Variants in RASA3 observed in about 807,000 individuals in gnomAD.
RASA3 encodes RAS p21 protein activator 3.
RASA3 carries 73 observed loss-of-function variants against 110.0 expected under a neutral mutation model. The observed-to-expected ratio is 0.66, with a 90% CI of 0.55 to 0.81. The LOEUF is 0.81. Ranked by LOEUF, RASA3 falls within the 30% of genes least tolerant of loss-of-function variation. The pLI, the probability that RASA3 is intolerant of heterozygous loss-of-function variation, is 0.00. For missense variants in RASA3, 976 were observed against 1,113.2 expected (o/e 0.88, Z 1.75); for synonymous variants, 500 against 451.4 (o/e 1.11, Z -1.37).
At position 114,115,461 on chromosome 13, in the gene RASA3, C is replaced by T. The variant is rs1390982274; in HGVS notation, c.55+16974G>A. Among the ~76,000 whole-genome samples the T allele has an allele frequency of 2.0e-5, 3 of 152,230 alleles. No individual in the cohort carries two copies. Among genetic ancestry groups the T allele is most frequent in the Non-Finnish European group, 2.9e-5 (2 of 68,040 alleles). On this transcript the variant is annotated intron_variant, in intron 1 of 23. Coordinates refer to ENST00000334062, the MANE Select transcript of RASA3 (RefSeq NM_007368.4). The surrounding 1 kb of genome is among the most constrained non-coding windows in gnomAD (Gnocchi z 5.0). ...GCCTGCGTGAAGACTGGTCACAAGA[C>T]AACTTCCCAGTTTAGAAAATGGTTA...
chr13:114,012,579 CCATTCCACACACACTCCT>C (rs1217635510), intron 15 of RASA3, among the ~76,000 whole-genome samples: 1 of 144,938 alleles, frequency 6.9e-6, no homozygotes, highest in African/African-American at 2.6e-5. Context: ...CACACACTCC[CCATTCCACACACACTCCT>C]CATTCCACGC....
chr13:114,000,815 T>G lies in RASA3; in HGVS notation c.1849+11A>C. Reference sequence around the variant, plus strand: ...CCAGCAAGAGCCAGGGAAAGCGACCTTGCTCCTTACCTTTGCTTTTGTGGT... The same window carrying G: ...CCAGCAAGAGCCAGGGAAAGCGACCGTGCTCCTTACCTTTGCTTTTGTGGT... On this transcript the variant is annotated intron_variant, in intron 19 of 23. Transcript: ENST00000334062. 1 of 1,587,056 alleles carries G rather than the reference T, an allele frequency of 6.3e-7. No homozygotes were observed. The highest frequency in any genetic ancestry group is 2.2e-5 in the East Asian group (1 of 44,730).
chr13:114,109,784 G>C (rs1467283517), intron 1 of RASA3, among the ~76,000 whole-genome samples: 1 of 152,092 alleles, frequency 6.6e-6, no homozygotes, highest in East Asian at 1.9e-4. Context: ...GACGTCACCA[G>C]AGGCGGGGCT....
At chr13:114,128,904 C>T (rs1276025650) in intron 1 of RASA3, among the ~76,000 whole-genome samples, 1 of 152,124 alleles carries the variant, frequency 6.6e-6, no homozygotes, top group Non-Finnish European at 1.5e-5. Flanking sequence ...GAGAGCCTTT[C>T]CCGCCCTGGA....
chr13:114,029,934 A>G, intron 4 of RASA3, 47 bp from the exon 5 acceptor site: 2 of 1,508,804 alleles, frequency 1.3e-6, no homozygotes, highest in Non-Finnish European at 1.8e-6. Flanking sequence ...CGCTGCTCCC[A>G]CAGGCCACTA....
intron 3 of RASA3, among the ~76,000 whole-genome samples, chr13:114,044,625 C>T (rs983778133): frequency 1.4e-4 from 20 of 144,306 alleles, no homozygotes; most frequent in African/African-American, 5.0e-4. Context: ...ACGACCGCTG[C>T]GTGGCTCTTG....
chr13:114,010,532 G>A (rs1027030038), intron 16 of RASA3, among the ~76,000 whole-genome samples: 5 of 151,278 alleles, frequency 3.3e-5, no homozygotes, highest in South Asian at 2.1e-4. Flanking sequence ...CTGAAGGGAC[G>A]AGGATGGAGG....
At position 114,027,727 on chromosome 13, in the gene RASA3, A is replaced by G. The variant is rs563942637; in HGVS notation, c.530+120T>C. ...AAAACAAAAGGAAGTAAAAATTCAC[A>G]TTCTACCTCAAAGCGCAACCTCCTG... On this transcript the variant is annotated intron_variant, in intron 6 of 23. Transcript: ENST00000334062. 2.3e-5 allele frequency: 25 copies of G among 1,096,170 alleles called. 1 individual carries two copies. The South Asian group carries it at 2.9e-4, about 13-fold the overall frequency. 67.9% of individuals were successfully genotyped at this position (1,096,170 alleles called of 1,614,324 possible). A position where few individuals can be genotyped will look rare whatever the true frequency, so the allele number is the denominator to read the frequency against.
At position 114,001,669 on chromosome 13, in the gene RASA3, C is replaced by T. The variant is rs1472777955; in HGVS notation, c.1743-737G>A. Among the ~76,000 whole-genome samples the T allele has an allele frequency of 3.4e-5, 5 of 148,638 alleles. No homozygotes were observed. In the East Asian group the frequency reaches 8.2e-4, roughly 24 times the overall value. On this transcript the variant is annotated intron_variant, in intron 18 of 23. Coordinates refer to ENST00000334062, the MANE Select transcript of RASA3 (RefSeq NM_007368.4). The stretch of plus-strand genomic sequence containing the variant: ...CACGGAGGACCTGCGGCCGTGGGCT[C>T]GGGGTCAGGGCAGGCAGCGGACGCT...
intron 1 of RASA3, among the ~76,000 whole-genome samples, chr13:114,106,716 T>C (rs2080139739): frequency 6.6e-6 from 1 of 152,174 alleles, no homozygotes; most frequent in Non-Finnish European, 1.5e-5. Context: ...TTAATTGTTT[T>C]TGGCTTAACA....
intron 1 of RASA3, among the ~76,000 whole-genome samples, chr13:114,123,530 C>T (rs554367118): frequency 6.6e-6 from 1 of 152,354 alleles, no homozygotes; most frequent in South Asian, 2.1e-4. Context: ...CTATCGCGCC[C>T]AGTTCAGACC....
At chr13:114,036,569 C>T (rs1048490064) in intron 4 of RASA3, among the ~76,000 whole-genome samples, 1 of 152,030 alleles carries the variant, frequency 6.6e-6, no homozygotes. Context: ...TGGAGTTTCA[C>T]TCTTGTTGCC....
intron 1 of RASA3, among the ~76,000 whole-genome samples, chr13:114,087,618 G>T (rs1452008830): frequency 6.6e-6 from 1 of 152,246 alleles, no homozygotes; most frequent in Non-Finnish European, 1.5e-5. Flanking sequence ...GTGCCAGCAG[G>T]AACGAGCCTG....
intron 2 of RASA3, among the ~76,000 whole-genome samples, chr13:114,069,563 G>A (rs1203176225): frequency 2.0e-4 from 6 of 29,350 alleles, no homozygotes; most frequent in Admixed American, 6.8e-4. Context: ...CTCGGGGGTT[G>A]GGAGACTTGG....
chr13:113,980,281 A>C (rs1308710944), intron 23 of RASA3, among the ~76,000 whole-genome samples: 1 of 128,784 alleles, frequency 7.8e-6, no homozygotes, highest in Non-Finnish European at 1.6e-5. Context: ...ACCTCCTCCC[A>C]CGTGTGCACC....
At chr13:114,007,964 G>C (rs61971857) in intron 17 of RASA3, among the ~76,000 whole-genome samples, 78 of 90,284 alleles carry the variant, frequency 8.6e-4, no homozygotes, top group Middle Eastern at 6.4e-3. Flanking sequence ...GGGGCCTGGA[G>C]GTTGCCCCCA....
chr13:114,011,211 T>C lies in RASA3; in HGVS notation c.1550A>G (p.Lys517Arg). 6.2e-7 allele frequency: 1 copy of C among 1,613,014 alleles called. No individual in the cohort carries two copies. Among genetic ancestry groups the C allele is most frequent in the Non-Finnish European group, 8.5e-7 (1 of 1,179,742 alleles). ...QTSRTLTLIS[K>R]TVQTLGSLSK... is the part of the protein sequence containing the mutation. ...CAGGCTGCCGAGGGTCTGAACGGTCTTGGAGATCAATGTCAGCGTCCTGGA... is the reference window on the plus strand; with the variant it reads ...CAGGCTGCCGAGGGTCTGAACGGTCCTGGAGATCAATGTCAGCGTCCTGGA... Residue 517 changes from lysine (K) to arginine (R), a missense_variant, in exon 16 of 24, where the codon AAG becomes AGG. Lys to Arg is a conservative substitution (Grantham distance 26). Around this residue, in one of 4 missense-constraint regions of RASA3, gnomAD observed 732 missense variants for 779.7 expected, o/e 0.94. Transcript: ENST00000334062. This position sits in a 1 kb window ranked among gnomAD's most constrained non-coding sequence, Gnocchi z 4.8.
At chr13:114,123,697 G>A (rs1179571996) in intron 1 of RASA3, among the ~76,000 whole-genome samples, 1 of 152,258 alleles carries the variant, frequency 6.6e-6, no homozygotes, top group Admixed American at 6.5e-5. Flanking sequence ...TCAGCAAGGG[G>A]CTGAGGACTC....
chr13:114,117,929 ATG>A (rs1343040873), intron 1 of RASA3, among the ~76,000 whole-genome samples: 1 of 150,020 alleles, frequency 6.7e-6, no homozygotes, highest in East Asian at 2.0e-4. Context: ...ACCTGTAAGC[ATG>A]TGTGTGAGGG....
Sources: gnomAD v4.1 joint callset for allele counts (sites outside exome capture counted in the v4.1 genomes callset) on GRCh38, gnomAD v4.1.1 for gene constraint, gnomAD v4.1.1 regional missense constraint, Gnocchi (gnomAD v3.1) non-coding constraint, MANE v1.5 for transcripts, NCBI Gene and HGNC (gene_info 2026-07-23, HGNC 2026-07-21) for gene names.